MLF1: variants seen among roughly 807,000 people sequenced by gnomAD.
MLF1 encodes myeloid leukemia factor 1.
In MLF1, 37 loss-of-function variants were observed where a neutral mutation model predicts 38.3. That is an observed-to-expected ratio of 0.96 (90% CI 0.74 to 1.27). The LOEUF is 1.27. Ranked by LOEUF, MLF1 falls within the 50% of genes most tolerant of loss-of-function variation. MLF1 has a pLI of 0.00. For synonymous variants in MLF1, 95 were observed against 106.5 expected (o/e 0.89, Z 0.66); for missense variants, 331 against 349.2 (o/e 0.95, Z 0.42).
rs1226044070 is a variant in MLF1, at chr3:158,571,219, G to A, written c.-82G>A. ...GAGTGAGGCGTCGTCCGTACTGGAG[G>A]CTAGCTCTTGTCGCGGCCGCGGCGA... On this transcript the variant is annotated 5_prime_UTR_variant, in exon 1 of 8. Transcript: ENST00000466246. 1.7e-6 allele frequency: 2 copies of A among 1,165,208 alleles called. No individual in the cohort carries two copies. The allele number at this position is 1,165,208 out of a possible 1,614,324, so 72.2% of individuals were successfully genotyped here. A position where few individuals can be genotyped will look rare whatever the true frequency, so the allele number is the denominator to read the frequency against.
In MLF1 at chr3:158,593,404, C is replaced by G. The variant is rs1560106797; in HGVS notation, c.218C>G (p.Pro73Arg). 1 of 1,560,672 alleles carries G rather than the reference C, an allele frequency of 6.4e-7. No homozygotes were observed. The highest frequency in any genetic ancestry group is 2.3e-5 in the East Asian group (1 of 43,568). Residue 73 changes from proline (P) to arginine (R), a missense_variant, in exon 3 of 8, where the codon CCT becomes CGT. Physicochemically the swap from Pro to Arg is moderately radical, Grantham distance 103 (BLOSUM62 -2). Transcript: ENST00000466246. ...CAGGCAACGAGTTGTTCTCTTGTGCCTTTTGGCGATTTTGGTGGTATGGTT... is the reference window on the plus strand; with the variant it reads ...CAGGCAACGAGTTGTTCTCTTGTGCGTTTTGGCGATTTTGGTGGTATGGTT... ...SLTATSCSLV[P>R]FGDFGGMHTD... is the part of the protein sequence containing the mutation.
At chr3:158,584,260 C>CT (rs990677650) in intron 1 of MLF1, among the ~76,000 whole-genome samples, 3 of 152,160 alleles carry the variant, frequency 2.0e-5, no homozygotes, top group Admixed American at 6.5e-5. Context: ...CTGTCTAAGG[C>CT]TTAACCACGT....
intron 1 of MLF1, among the ~76,000 whole-genome samples, chr3:158,586,707 C>T (rs1717304507): frequency 6.6e-6 from 1 of 152,150 alleles, no homozygotes; most frequent in African/African-American, 2.4e-5. Context: ...CCCCGACTAG[C>T]TCATACCTGA....
chr3:158,593,015 G>A (rs1025241828), intron 2 of MLF1, among the ~76,000 whole-genome samples: 4 of 151,878 alleles, frequency 2.6e-5, no homozygotes, highest in Admixed American at 1.3e-4. Context: ...ATATGGTTAC[G>A]TATGGACCTT....
intron 6 of MLF1, among the ~76,000 whole-genome samples, chr3:158,601,717 T>A (rs1342955193): frequency 6.7e-6 from 1 of 148,490 alleles, no homozygotes; most frequent in African/African-American, 2.5e-5. Context: ...AGATCACGCA[T>A]TGCACTCCAG....
chr3:158,571,717 A>C (rs1468447637), intron 1 of MLF1, among the ~76,000 whole-genome samples: 2 of 40,952 alleles, frequency 4.9e-5, no homozygotes, highest in African/African-American at 2.3e-4. Flanking sequence ...TGGGGAGAAG[A>C]GGTTGAGGGC....
At position 158,592,469 on chromosome 3, in the gene MLF1, A is replaced by G; in HGVS notation, c.83A>G (p.Gln28Arg). Reference protein sequence around the residue: ...SILAHRENMRQMIRSFSEPFG... With the variant: ...SILAHRENMRRMIRSFSEPFG... ...CTTGCACACCGAGAAAATATGCGAC[A>G]GATGATAAGAAGTTTTTCTGAACCC... The change falls in exon 2 of 8, where the codon CAG (glutamine) becomes CGG (arginine). Residue 28 changes from glutamine (Q) to arginine (R), a missense_variant. Coordinates refer to ENST00000466246, the MANE Select transcript of MLF1 (RefSeq NM_001369783.1). 1 of 1,611,086 alleles carries G rather than the reference A, an allele frequency of 6.2e-7. No homozygotes were observed. Among genetic ancestry groups the G allele is most frequent in the Non-Finnish European group, 8.5e-7 (1 of 1,178,978 alleles).
Position 158,605,203 on chromosome 3 carries a change from A to AT in MLF1, c.*2dup, listed in dbSNP as rs1720368471. 1 of 1,606,686 alleles carries AT rather than the reference A, an allele frequency of 6.2e-7. No individual in the cohort carries two copies. The highest frequency in any genetic ancestry group is 1.3e-5 in the African/African-American group (1 of 74,794). On this transcript the variant is annotated 3_prime_UTR_variant, in exon 8 of 8. Transcript: ENST00000466246. ...ATCTGTGAAAAGCAACAAAAAATAA[A>AT]TAGCCATGCATTTGATTTGTTTAGT...
intron 1 of MLF1, among the ~76,000 whole-genome samples, chr3:158,589,446 G>A (rs964062508): frequency 2.6e-5 from 4 of 152,008 alleles, no homozygotes; most frequent in African/African-American, 7.2e-5. Context: ...TCTTGACTTC[G>A]TGATCCACCC....
chr3:158,591,846 G>GT (rs34976879), intron 1 of MLF1, among the ~76,000 whole-genome samples: 3 of 147,780 alleles, frequency 2.0e-5, no homozygotes, highest in Admixed American at 1.3e-4. Flanking sequence ...AAATAAAGAT[G>GT]TTTTTTTTAT....
At chr3:158,598,315 GGACAGGAGGGA>G in intron 5 of MLF1, 107 bp downstream of exon 5, 8 of 1,094,790 alleles carry the variant, frequency 7.3e-6, no homozygotes, top group South Asian at 1.7e-5. Context: ...GATGGTGGGG[GGACAGGAGGGA>G]GGTGTGGGGG....
At chr3:158,590,842 A>G (rs1420477608) in intron 1 of MLF1, 1 of 450,326 alleles carries the variant, frequency 2.2e-6, no homozygotes, top group African/African-American at 2.0e-5. Context: ...CAAACTGTAC[A>G]ACAAAATTGG....
intron 7 of MLF1, among the ~76,000 whole-genome samples, chr3:158,603,291 T>C (rs1480989240): frequency 6.6e-6 from 1 of 152,158 alleles, no homozygotes; most frequent in Non-Finnish European, 1.5e-5. Context: ...TTCACACTGG[T>C]AAAGATATCT....
At position 158,596,909 on chromosome 3, in the gene MLF1, T is replaced by C. The variant is rs1426148727; in HGVS notation, c.288T>C (p.Asn96=). The C allele has an allele frequency of 6.2e-7, 1 of 1,609,488 alleles. No homozygotes were observed. The highest frequency in any genetic ancestry group is 1.7e-5 in the Admixed American group (1 of 59,778). Residue 96 remains asparagine (N), a synonymous_variant, in exon 4 of 8, where the codon AAT becomes AAC. Transcript: ENST00000466246. ...SFQTMDQMVS[N]MRNYMQKLER... Reference sequence around the variant, plus strand: ...AGACAATGGACCAAATGGTGTCAAATATGAGAAACTATATGCAGAAATTAG... The same window carrying C: ...AGACAATGGACCAAATGGTGTCAAACATGAGAAACTATATGCAGAAATTAG...
In MLF1 at chr3:158,603,858, TTA is replaced by T. The variant is rs1422476171; in HGVS notation, c.746+922_746+923del. On this transcript the variant is annotated intron_variant, in intron 7 of 7. Transcript: ENST00000466246. Reference sequence around the variant, plus strand: ...CATCTCAAAAATAAATAAATAAATATTATAGAGTTTTTAAATACATTTTGTAC... The same window carrying T: ...CATCTCAAAAATAAATAAATAAATATTAGAGTTTTTAAATACATTTTGTAC... 7.9e-5 allele frequency among the ~76,000 whole-genome samples: 12 copies of T among 151,998 alleles called. No individual in the cohort carries two copies. In the East Asian group the frequency reaches 2.3e-3, roughly 29 times the overall value.
Position 158,580,489 on chromosome 3 carries a change from A to T in MLF1, c.47+9142A>T, listed in dbSNP as rs144818290. ...GTACTATTGATCTGTACACACTGAGATTTTAAATTAAAATTAATTTATAAA... is the reference window on the plus strand; with the variant it reads ...GTACTATTGATCTGTACACACTGAGTTTTTAAATTAAAATTAATTTATAAA... On this transcript the variant is annotated intron_variant, in intron 1 of 7. Transcript: ENST00000466246. 7.5e-3 allele frequency among the ~76,000 whole-genome samples: 1,142 copies of T among 152,250 alleles called. 20 individuals are homozygous for T. Among genetic ancestry groups the T allele is most frequent in the African/African-American group, 0.027 (1,103 of 41,526 alleles).
intron 1 of MLF1, among the ~76,000 whole-genome samples, chr3:158,572,440 G>A (rs1189242780): frequency 1.7e-4 from 23 of 136,390 alleles, no homozygotes; most frequent in Admixed American, 1.6e-3. Flanking sequence ...GTGAGGTGGC[G>A]GTAAGAGGGT....
At chr3:158,600,656 T>C (rs1719619042) in intron 6 of MLF1, among the ~76,000 whole-genome samples, 1 of 151,622 alleles carries the variant, frequency 6.6e-6, no homozygotes, top group African/African-American at 2.4e-5. Flanking sequence ...ACCATTATAA[T>C]TGTAAAGTTA....
At chr3:158,604,451 T>C (rs1470615763) in intron 7 of MLF1, among the ~76,000 whole-genome samples, 1 of 152,230 alleles carries the variant, frequency 6.6e-6, no homozygotes, top group Non-Finnish European at 1.5e-5. Context: ...ATGTGGCTGT[T>C]GATTCACATT....
Sources: gnomAD v4.1 joint callset for allele counts (sites outside exome capture counted in the v4.1 genomes callset) on GRCh38, gnomAD v4.1.1 for gene constraint, MANE v1.5 for transcripts, NCBI Gene and HGNC (gene_info 2026-07-23, HGNC 2026-07-21) for gene names.